The following TAT variants were observed in gnomAD, a reference collection of about 807,000 sequenced individuals.
The protein encoded by TAT is tyrosine aminotransferase, also known as L-tyrosine:2-oxoglutarate aminotransferase.
Under a neutral mutation model 53.6 loss-of-function variants are expected in TAT, and 35 were observed. That is an observed-to-expected ratio of 0.65 (90% CI 0.50 to 0.87). The LOEUF (loss-of-function observed/expected upper bound fraction) is 0.87, where lower values mean the gene tolerates loss of function less well. Ranked by LOEUF, TAT falls within the 40% of genes least tolerant of loss-of-function variation. TAT has a pLI of 0.00. For synonymous variants in TAT, 197 were observed against 206.5 expected (o/e 0.95, Z 0.39); for missense variants, 525 against 571.8 (o/e 0.92, Z 0.83).
chr16:71,576,451 G>C (rs1305898762), intron 1 of TAT, 24 bp from the exon 2 acceptor site: 1 of 1,591,462 alleles, frequency 6.3e-7, no homozygotes, highest in Non-Finnish European at 8.6e-7. Flanking sequence ...GAAGTTCCCT[G>C]TGATGTTGAT....
intron 11 of TAT, 64 bp from the exon 12 acceptor site, chr16:71,568,348 G>A (rs184753850): frequency 6.4e-7 from 1 of 1,557,522 alleles, no homozygotes; most frequent in Admixed American, 1.7e-5. Context: ...ACCCTAAAAT[G>A]GTCAGGACCC....
At chr16:71,570,096 C>G (rs986789701) in intron 9 of TAT, among the ~76,000 whole-genome samples, 159 bp from the exon 10 acceptor site, 3 of 152,178 alleles carry the variant, frequency 2.0e-5, no homozygotes, top group Non-Finnish European at 4.4e-5. Context: ...AGCTTTTCAC[C>G]AGGGGCAGAG....
In TAT at chr16:71,575,999, G is replaced by A. The variant is rs779104203; in HGVS notation, c.263C>T (p.Pro88Leu). Residue 88 changes from proline to leucine, a missense_variant, in exon 3 of 12, where the codon CCT (proline) becomes CTT (leucine). Coordinates refer to ENST00000355962, the MANE Select transcript of TAT (RefSeq NM_000353.3). ...TGCCTGGGTAACTTCAGGGTCTGTAGGCAGGTTTCCAAACACAGTAGGGTC... is the reference window on the plus strand; with the variant it reads ...TGCCTGGGTAACTTCAGGGTCTGTAAGCAGGTTTCCAAACACAGTAGGGTC... The part of the protein sequence containing the change: ...IGDPTVFGNL[P>L]TDPEVTQAMK... 6 of 1,614,150 alleles carry A rather than the reference G, an allele frequency of 3.7e-6. No individual in the cohort carries two copies. The South Asian group carries it at 5.5e-5, about 15-fold the overall frequency.
At chr16:71,569,760 G>T (rs1304195708) in intron 10 of TAT, 94 bp downstream of exon 10, 2 of 1,221,318 alleles carry the variant, frequency 1.6e-6, no homozygotes, top group Non-Finnish European at 2.4e-6. Context: ...GGTTGTCTTT[G>T]TACCCTGCGT....
rs1396336819 is a variant in TAT, at chr16:71,572,536, A to T, written c.561T>A (p.Asn187Lys). The change falls in exon 5 of 12, where the codon AAT becomes AAA. Residue 187 changes from asparagine (N) to lysine (K), a missense_variant. Asn to Lys is a moderately conservative substitution (Grantham distance 94). Coordinates refer to ENST00000355962, the MANE Select transcript of TAT (RefSeq NM_000353.3). The stretch of plus-strand genomic sequence containing the variant: ...AGATTAAAAAGTCATTTACCAACAA[A>T]TTGTAGAGTTTGACCTCAATTCCCA... ...ESMGIEVKLY[N>K]LLPEKSWEID... 6.2e-7 allele frequency: 1 copy of T among 1,614,262 alleles called. No homozygotes were observed. Among genetic ancestry groups the T allele is most frequent in the East Asian group, 2.2e-5 (1 of 44,890 alleles).
intron 3 of TAT, 38 bp from the exon 4 acceptor site, chr16:71,573,644 T>G: frequency 6.5e-7 from 1 of 1,532,564 alleles, no homozygotes; most frequent in African/African-American, 1.4e-5. Context: ...TTTTTTGGTT[T>G]TTAGAGACTG....
Position 71,576,170 on chromosome 16 carries a change from C to T in TAT, c.235+11G>A. 1 of 1,613,284 alleles carries T rather than the reference C, an allele frequency of 6.2e-7. No individual in the cohort carries two copies. The highest frequency in any genetic ancestry group is 8.5e-7 in the Non-Finnish European group (1 of 1,179,512). On this transcript the variant is annotated intron_variant, in intron 2 of 11. Transcript: ENST00000355962. Reference sequence around the variant, plus strand: ...GACAATGACAGCCCCTCAGTAGTGTCCCCAACTCACCAATGGACAGGGAAA... The same window carrying T: ...GACAATGACAGCCCCTCAGTAGTGTTCCCAACTCACCAATGGACAGGGAAA...
chr16:71,571,524 G>A (rs2044202799), intron 7 of TAT, 82 bp downstream of exon 7: 1 of 1,284,856 alleles, frequency 7.8e-7, no homozygotes, highest in South Asian at 1.2e-5. Context: ...ACGATTAGGA[G>A]TTGTTTCTGA....
Position 71,567,160 on chromosome 16 carries a change from G to A in TAT, c.*984C>T, listed in dbSNP as rs902364566. 1 of 152,082 alleles carries A rather than the reference G, an allele frequency of 6.6e-6. No homozygotes were observed. Among genetic ancestry groups the A allele is most frequent in the Non-Finnish European group, 1.5e-5 (1 of 68,062 alleles). 9.4% of individuals were successfully genotyped at this position (152,082 alleles called of 1,614,324 possible). A position where few individuals can be genotyped will look rare whatever the true frequency, so the allele number is the denominator to read the frequency against. Reference sequence around the variant, plus strand: ...GAGGTGGCTCACGCCTGTAATCCCAGTACTTTAGGAGACCCAGGCGGGCAG... The same window carrying A: ...GAGGTGGCTCACGCCTGTAATCCCAATACTTTAGGAGACCCAGGCGGGCAG... On this transcript the variant is annotated 3_prime_UTR_variant, in exon 12 of 12. Coordinates refer to ENST00000355962, the MANE Select transcript of TAT (RefSeq NM_000353.3).
intron 4 of TAT, 118 bp from the exon 5 acceptor site, chr16:71,572,806 G>C (rs2044211973): frequency 1.8e-6 from 2 of 1,140,904 alleles, no homozygotes; most frequent in Non-Finnish European, 2.6e-6. Context: ...GTTGTAAGTA[G>C]TAGGAAATGT....
intron 10 of TAT, 108 bp from the exon 11 acceptor site, chr16:71,568,917 G>T: frequency 1.3e-6 from 1 of 766,732 alleles, no homozygotes. Flanking sequence ...TCTTGGAACT[G>T]TGCTACTGAT....
rs778052586 is a variant in TAT at position 71,570,407 on chromosome 16, A to G, written c.913-10T>C. 6.2e-7 allele frequency: 1 copy of G among 1,614,092 alleles called. No homozygotes were observed. The highest frequency in any genetic ancestry group is 8.5e-7 in the Non-Finnish European group (1 of 1,180,012). Reference sequence around the variant, plus strand: ...CCAGCCCATCTCGGATCTAAAAGACACCCACAAGAAACATGTTGTTTAGCT... The same window carrying G: ...CCAGCCCATCTCGGATCTAAAAGACGCCCACAAGAAACATGTTGTTTAGCT... On this transcript the variant is annotated splice_polypyrimidine_tract_variant and intron_variant, in intron 8 of 11. Transcript: ENST00000355962.
At position 71,576,430 on chromosome 16, in the gene TAT, G is replaced by T. The variant is rs1365782052; in HGVS notation, c.-12-3C>A. On this transcript the variant is annotated splice_region_variant and splice_polypyrimidine_tract_variant and intron_variant, in intron 1 of 11. Coordinates refer to ENST00000355962, the MANE Select transcript of TAT (RefSeq NM_000353.3). The stretch of plus-strand genomic sequence containing the variant: ...TATGGGTCCATCACTAGCGAAGCCT[G>T]CGAGGGGAAAGAAGTTCCCTGTGAT... 5 of 1,613,000 alleles carry T rather than the reference G, an allele frequency of 3.1e-6. No homozygotes were observed. The highest frequency in any genetic ancestry group is 2.2e-5 in the East Asian group (1 of 44,882).
rs556142836 is a variant in TAT at position 71,566,115 on chromosome 16, G to A, written c.*2029C>T. On this transcript the variant is annotated 3_prime_UTR_variant, in exon 12 of 12. Coordinates refer to ENST00000355962, the MANE Select transcript of TAT (RefSeq NM_000353.3). ...AGCCAGGCTTTTTTGGAAAATTGGC[G>A]GCAGCGGTGGCATACGGGAAACTGA... The A allele has an allele frequency of 1.3e-5, 2 of 152,226 alleles. No individual in the cohort carries two copies. 9.4% of individuals were successfully genotyped at this position (152,226 alleles called of 1,614,324 possible).
rs2044160557 is a variant in TAT at position 71,566,001 on chromosome 16, C to G, written c.*2143G>C. On this transcript the variant is annotated 3_prime_UTR_variant, in exon 12 of 12. Coordinates refer to ENST00000355962, the MANE Select transcript of TAT (RefSeq NM_000353.3). The stretch of plus-strand genomic sequence containing the variant: ...GGTAGAATTTTCTGTACGTGTAAAA[C>G]TAAAATGTCTTTTGTAAATCACTGA... 6.6e-6 allele frequency: 1 copy of G among 152,158 alleles called. No individual in the cohort carries two copies. The highest frequency in any genetic ancestry group is 2.1e-4 in the South Asian group (1 of 4,828). The allele number at this position is 152,158 out of a possible 1,614,324, so 9.4% of individuals were successfully genotyped here. A position where few individuals can be genotyped will look rare whatever the true frequency, so the allele number is the denominator to read the frequency against.
chr16:71,571,473 T>C, intron 7 of TAT, 133 bp downstream of exon 7: 1 of 822,472 alleles, frequency 1.2e-6, no homozygotes, highest in South Asian at 1.5e-5. Flanking sequence ...TGGGTCTATA[T>C]ATTTGTAAAA....
chr16:71,571,174 G>T (rs188371741), intron 7 of TAT, among the ~76,000 whole-genome samples: 2 of 152,176 alleles, frequency 1.3e-5, no homozygotes, highest in East Asian at 3.9e-4. Flanking sequence ...GAAATTCCTG[G>T]GGCCAGGTAT....
At position 71,570,693 on chromosome 16, in the gene TAT, T is replaced by C. The variant is rs760557533; in HGVS notation, c.898A>G (p.Ile300Val). ...CATATTATCACCTCATTGCCAAAAA[T>C]GTCTCTTCGGTCATGAATGAGGATC... ...GWILIHDRRD[I>V]FGNEIRDGLV... The change falls in exon 8 of 12, where the codon ATT (isoleucine) becomes GTT (valine). Residue 300 changes from isoleucine (I) to valine (V), a missense_variant. By Grantham distance (29) the Ile-to-Val change is conservative. Transcript: ENST00000355962. 1 of 1,614,150 alleles carries C rather than the reference T, an allele frequency of 6.2e-7. No individual in the cohort carries two copies. The highest frequency in any genetic ancestry group is 8.5e-7 in the Non-Finnish European group (1 of 1,180,026).
rs369023700 is a variant in TAT at position 71,571,589 on chromosome 16, T to A, written c.759+17A>T. 145 of 1,610,002 alleles carry A rather than the reference T, an allele frequency of 9.0e-5. No homozygotes were observed. Among genetic ancestry groups the A allele is most frequent in the Non-Finnish European group, 1.1e-4 (131 of 1,176,326 alleles). On this transcript the variant is annotated intron_variant, in intron 7 of 11. Transcript: ENST00000355962. ...AATTTGAGATTACTGTAGTGATATA[T>A]CCTGATCAAGACTCACCATGTCTCC...
Sources: gnomAD v4.1 joint callset for allele counts (sites outside exome capture counted in the v4.1 genomes callset) on GRCh38, gnomAD v4.1.1 for gene constraint, MANE v1.5 for transcripts, NCBI Gene and HGNC (gene_info 2026-07-23, HGNC 2026-07-21) for gene names.